The following TFAP2D variants were observed in gnomAD, a reference collection of about 807,000 sequenced individuals.
TFAP2D encodes transcription factor AP-2 delta, also known as transcription factor AP-2-delta.
TFAP2D carries 9 observed loss-of-function variants against 43.6 expected under a neutral mutation model. That is an observed-to-expected ratio of 0.21 (90% CI 0.12 to 0.36). The LOEUF (loss-of-function observed/expected upper bound fraction) is 0.36, where lower values mean the gene tolerates loss of function less well. TFAP2D is among the 10% of genes least tolerant of loss of function. The pLI is 1.00. For missense variants in TFAP2D, 513 were observed against 561.4 expected (o/e 0.91, Z 0.87); for synonymous variants, 256 against 224.9 (o/e 1.14, Z -1.24).
In TFAP2D at chr6:50,768,812, G is replaced by A. The variant is rs547547127; in HGVS notation, c.1140-3833G>A. ...TTACATAATGTTTTTCATATTGAAA[G>A]ATGACCTTTCAGGTCATGAAAGTCA... is the stretch of plus-strand genomic sequence containing the variant. On this transcript the variant is annotated intron_variant, in intron 7 of 7. Transcript: ENST00000008391. Among the ~76,000 whole-genome samples the A allele has an allele frequency of 1.9e-3, 291 of 151,978 alleles. 3 individuals are homozygous for A. The highest frequency in any genetic ancestry group is 0.015 in the South Asian group (74 of 4,822).
intron 6 of TFAP2D, among the ~76,000 whole-genome samples, chr6:50,749,512 G>T (rs1769170259): frequency 6.6e-6 from 1 of 151,782 alleles, no homozygotes; most frequent in Non-Finnish European, 1.5e-5. Context: ...TCGTAATGAT[G>T]ACCTACCATA....
intron 5 of TFAP2D, among the ~76,000 whole-genome samples, chr6:50,730,339 T>C (rs1768869004): frequency 1.3e-5 from 2 of 152,270 alleles, no homozygotes; most frequent in Admixed American, 6.5e-5. Context: ...TCCCTGATAG[T>C]AGTCACAATA....
Position 50,748,545 on chromosome 6 carries a change from T to G in TFAP2D, c.1026-2666T>G, listed in dbSNP as rs569928027. On this transcript the variant is annotated intron_variant, in intron 6 of 7. Coordinates refer to ENST00000008391, the MANE Select transcript of TFAP2D (RefSeq NM_172238.4). ...CAAGTATACAATTGTATAAAGGGCC[T>G]ATTAATTAAGTGTCATTAGTCTTCT... Among the ~76,000 whole-genome samples, 471 of 152,024 alleles carry G rather than the reference T, an allele frequency of 3.1e-3. 4 individuals carry two copies. The highest frequency in any genetic ancestry group is 0.012 in the South Asian group (56 of 4,828).
chr6:50,725,309 T>G (rs574986555), intron 3 of TFAP2D, among the ~76,000 whole-genome samples: 2 of 152,238 alleles, frequency 1.3e-5, no homozygotes, highest in Admixed American at 1.3e-4. Context: ...CAAAGGACCT[T>G]GAGCAGATAG....
chr6:50,743,139 A>G (rs1769076951), intron 5 of TFAP2D, among the ~76,000 whole-genome samples: 1 of 152,136 alleles, frequency 6.6e-6, no homozygotes, highest in Non-Finnish European at 1.5e-5. Context: ...AGAAGAAAAA[A>G]CAATGATGTT....
At chr6:50,729,612 T>C (rs1407196615) in intron 5 of TFAP2D, among the ~76,000 whole-genome samples, 2 of 152,188 alleles carry the variant, frequency 1.3e-5, no homozygotes, top group Non-Finnish European at 2.9e-5. Flanking sequence ...GCAGCGCTCT[T>C]GTCATTTGCA....
intron 5 of TFAP2D, among the ~76,000 whole-genome samples, chr6:50,735,636 AT>A (rs1387536716): frequency 1.8e-4 from 28 of 152,276 alleles, no homozygotes; most frequent in African/African-American, 6.5e-4. Context: ...TAGTTACAAG[AT>A]TCCCCTACAA....
At chr6:50,735,682 A>G (rs1384460336) in intron 5 of TFAP2D, among the ~76,000 whole-genome samples, 3 of 152,158 alleles carry the variant, frequency 2.0e-5, no homozygotes, top group African/African-American at 7.2e-5. Context: ...AACTTCCAAA[A>G]GGCAGTAGAA....
intron 3 of TFAP2D, among the ~76,000 whole-genome samples, chr6:50,719,486 A>C (rs894305979): frequency 1.4e-5 from 2 of 138,156 alleles, no homozygotes; most frequent in Non-Finnish European, 3.3e-5. Context: ...AGAAAGAAAG[A>C]AAGAAAGAAA....
chr6:50,759,953 G>A (rs1406795545), intron 7 of TFAP2D, among the ~76,000 whole-genome samples: 1 of 151,968 alleles, frequency 6.6e-6, no homozygotes, highest in East Asian at 1.9e-4. Context: ...TCCCCAAATT[G>A]AGTTTCATAG....
intron 5 of TFAP2D, among the ~76,000 whole-genome samples, chr6:50,742,893 C>T (rs764375071): frequency 6.6e-6 from 1 of 150,590 alleles, no homozygotes; most frequent in Non-Finnish European, 1.5e-5. Context: ...CTCAAATAAT[C>T]TCCCTTCTAT....
chr6:50,730,070 A>G (rs1329283306), intron 5 of TFAP2D, among the ~76,000 whole-genome samples: 2 of 152,012 alleles, frequency 1.3e-5, no homozygotes, highest in East Asian at 3.9e-4. Flanking sequence ...GTGGAATGCT[A>G]TTGTTTAAAA....
intron 6 of TFAP2D, among the ~76,000 whole-genome samples, chr6:50,745,805 T>A (rs1255406355): frequency 6.6e-6 from 1 of 152,006 alleles, no homozygotes; most frequent in Non-Finnish European, 1.5e-5. Flanking sequence ...TAAGGTATAA[T>A]GTATTTCAAA....
At chr6:50,734,220 C>T (rs921891301) in intron 5 of TFAP2D, among the ~76,000 whole-genome samples, 1 of 151,862 alleles carries the variant, frequency 6.6e-6, no homozygotes, top group Admixed American at 6.6e-5. Context: ...TGTTTTGTGC[C>T]ACTTGCAAAA....
At chr6:50,738,208 A>G in intron 5 of TFAP2D, among the ~76,000 whole-genome samples, 1 of 152,164 alleles carries the variant, frequency 6.6e-6, no homozygotes, top group East Asian at 1.9e-4. Flanking sequence ...TTTTGTATTT[A>G]TGGAGTAATA....
intron 2 of TFAP2D, among the ~76,000 whole-genome samples, chr6:50,716,291 C>G (rs760065038): frequency 2.4e-4 from 36 of 152,192 alleles, no homozygotes; most frequent in Non-Finnish European, 8.8e-5. Flanking sequence ...TTAATTCTCT[C>G]CGCCTGACGT....
intron 7 of TFAP2D, among the ~76,000 whole-genome samples, chr6:50,762,046 T>C (rs936166519): frequency 6.6e-6 from 1 of 152,048 alleles, no homozygotes; most frequent in African/African-American, 2.4e-5. Context: ...ACTGTCCAAG[T>C]TAAAAATGGA....
At chr6:50,718,534 G>A (rs569096594) in intron 2 of TFAP2D, among the ~76,000 whole-genome samples, 3 of 152,290 alleles carry the variant, frequency 2.0e-5, no homozygotes, top group South Asian at 2.1e-4. Flanking sequence ...CAATCCATTA[G>A]GACTTTGAAG....
chr6:50,766,509 T>C (rs1769443461), intron 7 of TFAP2D, among the ~76,000 whole-genome samples: 1 of 152,064 alleles, frequency 6.6e-6, no homozygotes, highest in South Asian at 2.1e-4. Flanking sequence ...TCGCTTTCCA[T>C]TCATTCGTGC....
Sources: gnomAD v4.1 joint callset for allele counts (sites outside exome capture counted in the v4.1 genomes callset) on GRCh38, gnomAD v4.1.1 for gene constraint, MANE v1.5 for transcripts, NCBI Gene and HGNC (gene_info 2026-07-23, HGNC 2026-07-21) for gene names.